TRPM7: variants seen among roughly 807,000 people sequenced by gnomAD.
TRPM7 encodes the protein LTRPC ion channel family member 7.
TRPM7 carries 134 observed loss-of-function variants against 229.7 expected under a neutral mutation model. That is an observed-to-expected ratio of 0.58 (90% CI 0.51 to 0.67). The LOEUF (loss-of-function observed/expected upper bound fraction) is 0.67, where lower values mean the gene tolerates loss of function less well. Ranked by LOEUF, TRPM7 falls within the 30% of genes least tolerant of loss-of-function variation. The probability of loss-of-function intolerance (pLI) is 0.00; values close to 1 mark genes in which losing one functional copy is unlikely to be tolerated. For missense variants in TRPM7, 1,901 were observed against 2,210.0 expected, an observed-to-expected ratio of 0.86 and a Z score of 2.80; for synonymous variants, 699 against 715.2, an observed-to-expected ratio of 0.98 and a Z score of 0.36.
intron 24 of TRPM7, 55 bp downstream of exon 24, chr15:50,594,374 T>C: frequency 1.4e-6 from 2 of 1,403,838 alleles, no homozygotes; most frequent in Non-Finnish European, 2.0e-6. Flanking sequence ...TAGCCTTTGG[T>C]GTAAAAATGA....
At position 50,637,535 on chromosome 15, in the gene TRPM7, T is replaced by C. The variant is rs376238951; in HGVS notation, c.719A>G (p.Asn240Ser). 11 of 1,614,026 alleles carry C rather than the reference T, an allele frequency of 6.8e-6. No homozygotes were observed. The African/African-American group carries it at 1.3e-4, about 20-fold the overall frequency. ...NPLSKLNVLNNLHSHFILVDD... is the reference protein window; with the variant it reads ...NPLSKLNVLNSLHSHFILVDD... ...CACCAATATGAAATGGGAATGCAGA[T>C]TATTCAAAACATTCAATTTGCTCAG... Residue 240 changes from asparagine (N) to serine (S), a missense_variant, in exon 7 of 39, where the codon AAT becomes AGT. By Grantham distance (46) the Asn-to-Ser change is conservative (BLOSUM62 1). Transcript: ENST00000646667.
intron 13 of TRPM7, among the ~76,000 whole-genome samples, chr15:50,615,084 T>C (rs1201376612): frequency 3.7e-5 from 5 of 136,670 alleles, no homozygotes; most frequent in African/African-American, 8.5e-5. Context: ...GGTAGGAAAA[T>C]GGCGGGAGGC....
At chr15:50,678,505 TTA>T (rs1491109231) in intron 1 of TRPM7, among the ~76,000 whole-genome samples, 1 of 40,264 alleles carries the variant, frequency 2.5e-5, no homozygotes, top group Non-Finnish European at 5.3e-5. Context: ...GTTCCATTCT[TTA>T]AAAAAAAAAA....
At chr15:50,618,978 T>G (rs1390396617) in intron 13 of TRPM7, among the ~76,000 whole-genome samples, 1 of 151,706 alleles carries the variant, frequency 6.6e-6, no homozygotes, top group African/African-American at 2.4e-5. Context: ...AAATACTAGA[T>G]TTTTTTTTAA....
At chr15:50,679,538 A>ATATATATATTT (rs1400383980) in intron 1 of TRPM7, among the ~76,000 whole-genome samples, 22 of 43,898 alleles carry the variant, frequency 5.0e-4, no homozygotes, top group African/African-American at 2.3e-3. Flanking sequence ...ATATATATAT[A>ATATATATATTT]TTTTTTTTTT....
intron 21 of TRPM7, among the ~76,000 whole-genome samples, chr15:50,601,706 AGT>A (rs1476147243): frequency 1.3e-5 from 2 of 152,136 alleles, no homozygotes; most frequent in Non-Finnish European, 2.9e-5. Context: ...ATACAGAATG[AGT>A]GTGAGAAGTT....
In TRPM7 at chr15:50,648,820, G is replaced by C. The variant is rs1030204306; in HGVS notation, c.188C>G (p.Ser63Ter). Residue 63 changes from serine to a stop codon, truncating the protein, a stop_gained, in exon 4 of 39, where the codon TCA (serine) becomes TGA (stop). Coordinates refer to ENST00000646667, the MANE Select transcript of TRPM7 (RefSeq NM_017672.6). LOFTEE classifies it high-confidence loss of function. ...CFTASLAMKY[S>*]DVKLGDHFNQ... is the part of the protein sequence containing the mutation. ...AAAATGGTCACCCAATTTCACATCT[G>C]AGTATTTCATGGCAAGACTTGCAGT... is the stretch of plus-strand genomic sequence containing the variant. 3 of 1,613,074 alleles carry C rather than the reference G, an allele frequency of 1.9e-6. No individual in the cohort carries two copies. The highest frequency in any genetic ancestry group is 2.2e-5 in the East Asian group (1 of 44,844).
At chr15:50,572,154 G>C (rs956732201) in intron 36 of TRPM7, among the ~76,000 whole-genome samples, 3 of 152,174 alleles carry the variant, frequency 2.0e-5, no homozygotes, top group Non-Finnish European at 4.4e-5. Flanking sequence ...ATGCAGTGAC[G>C]TGAGCCTGTA....
chr15:50,588,163 A>C (rs2059391035), intron 27 of TRPM7: 11 of 958,678 alleles, frequency 1.1e-5, no homozygotes, highest in Non-Finnish European at 1.4e-5. Context: ...TGACTTTCTG[A>C]CTTCTGCATA....
chr15:50,606,413 T>C (rs1376288142), intron 20 of TRPM7, among the ~76,000 whole-genome samples: 1 of 149,572 alleles, frequency 6.7e-6, no homozygotes, highest in Non-Finnish European at 1.5e-5. Flanking sequence ...CAAAACCCAA[T>C]ATTCATGTAG....
In TRPM7 at chr15:50,570,092, A is replaced by T. The variant is rs945568176; in HGVS notation, c.5360+12T>A. On this transcript the variant is annotated intron_variant, in intron 37 of 38. Transcript: ENST00000646667. ...GAAATTATGCCTTAATGAAATAGTT[A>T]AAACTTATTACCTCTTTTCTTCTGC... The T allele has an allele frequency of 3.7e-6, 6 of 1,608,940 alleles. No individual in the cohort carries two copies. The Middle Eastern group carries it at 6.7e-4, about 179-fold the overall frequency.
At chr15:50,584,534 G>T (rs2054592078) in intron 28 of TRPM7, among the ~76,000 whole-genome samples, 1 of 151,702 alleles carries the variant, frequency 6.6e-6, no homozygotes. Flanking sequence ...GAAATATGAG[G>T]ATGCTGCAAT....
rs34590459 is a variant in TRPM7, at chr15:50,682,173, C to CAAAAAAAAAAAAAAAAAA, written c.3+4340_3+4357dup. On this transcript the variant is annotated intron_variant, in intron 1 of 38. Transcript: ENST00000646667. ...TGGGCAAAAGAGCAAAACTCAGTCT[C>CAAAAAAAAAAAAAAAAAA]AAAAAAAAAAAAAAAAAAGGACTGT... Among the ~76,000 whole-genome samples, 90 of 63,648 alleles carry CAAAAAAAAAAAAAAAAAA rather than the reference C, an allele frequency of 1.4e-3. 4 individuals carry two copies. Among genetic ancestry groups the CAAAAAAAAAAAAAAAAAA allele is most frequent in the Non-Finnish European group, 2.0e-3 (73 of 35,814 alleles). The allele number at this position is 63,648 out of a possible 152,430, so 41.8% of individuals were successfully genotyped here. A position where few individuals can be genotyped will look rare whatever the true frequency, so the allele number is the denominator to read the frequency against.
chr15:50,622,323 G>GC (rs2060433047), intron 12 of TRPM7, among the ~76,000 whole-genome samples: 1 of 152,148 alleles, frequency 6.6e-6, no homozygotes, highest in Non-Finnish European at 1.5e-5. Context: ...TTATCATGTT[G>GC]CAAGCCCTTA....
chr15:50,639,683 G>A (rs2061028930), intron 5 of TRPM7, 135 bp from the exon 6 acceptor site: 2 of 653,280 alleles, frequency 3.1e-6, no homozygotes, highest in Non-Finnish European at 4.7e-6. Context: ...CCTCCCTTGT[G>A]AGCCTCCCCA....
rs753263771 is a variant in TRPM7 at position 50,619,838 on chromosome 15, TCTAAA to T, written c.1441-45_1441-41del. 14 of 1,527,412 alleles carry T rather than the reference TCTAAA, an allele frequency of 9.2e-6. No individual in the cohort carries two copies. In the South Asian group the frequency reaches 9.7e-5, roughly 11 times the overall value. The allele number at this position is 1,527,412 out of a possible 1,614,324, so 94.6% of individuals were successfully genotyped here. A position where few individuals can be genotyped will look rare whatever the true frequency, so the allele number is the denominator to read the frequency against. On this transcript the variant is annotated intron_variant, in intron 12 of 38. Transcript: ENST00000646667. ...AGTTACAGCAAACTATTATTTTTCT[TCTAAA>T]CTAATTTAAACCTTACAGGATTTTT... is the stretch of plus-strand genomic sequence containing the variant.
Position 50,631,431 on chromosome 15 carries a change from G to GT in TRPM7, c.1189dup (p.Thr397AsnfsTer8), listed in dbSNP as rs1406616434. 6.2e-7 allele frequency: 1 copy of GT among 1,608,524 alleles called. No individual in the cohort carries two copies. The highest frequency in any genetic ancestry group is 8.5e-7 in the Non-Finnish European group (1 of 1,176,266). On this transcript the variant is annotated frameshift_variant, in exon 10 of 39. Transcript: ENST00000646667. LOFTEE classifies it high-confidence loss of function. ...TAGAGGCTTACCTTTTAGCAGTGCA[G>GT]TAAGTATTGCTACATCTATATCTTG...
intron 2 of TRPM7, among the ~76,000 whole-genome samples, chr15:50,660,981 T>TC (rs2061707344): frequency 1.3e-5 from 2 of 151,114 alleles, no homozygotes; most frequent in Non-Finnish European, 3.0e-5. Context: ...ACCATTCCTT[T>TC]TTTTTTTTTT....
Position 50,685,234 on chromosome 15 carries a change from G to T in TRPM7, c.3+1297C>A, listed in dbSNP as rs181352403. 2.2e-4 allele frequency among the ~76,000 whole-genome samples: 33 copies of T among 152,340 alleles called. No individual in the cohort carries two copies. The East Asian group carries it at 6.4e-3, about 29-fold the overall frequency. On this transcript the variant is annotated intron_variant, in intron 1 of 38. Coordinates refer to ENST00000646667, the MANE Select transcript of TRPM7 (RefSeq NM_017672.6). The stretch of plus-strand genomic sequence containing the variant: ...TCCCAGGACTTTGGGGGGCTGAGGC[G>T]GGCGGATCACCTGAGGTCAGGAATT...
Sources: gnomAD v4.1 joint callset for allele counts (sites outside exome capture counted in the v4.1 genomes callset) on GRCh38, gnomAD v4.1.1 for gene constraint, MANE v1.5 for transcripts, NCBI Gene and HGNC (gene_info 2026-07-23, HGNC 2026-07-21) for gene names.